The following MCU variants were observed in gnomAD, a reference collection of about 807,000 sequenced individuals.
MCU encodes the protein mitochondrial calcium uniporter.
A neutral mutation model predicts 45.2 loss-of-function variants in MCU; 12 were observed. The observed-to-expected ratio is 0.27, with a 90% CI of 0.17 to 0.43. MCU has a LOEUF of 0.43. MCU is among the 20% of genes least tolerant of loss of function. MCU has a pLI of 1.00. For synonymous variants in MCU, 160 were observed against 165.1 expected (o/e 0.97, Z 0.24); for missense variants, 324 against 436.7 (o/e 0.74, Z 2.30).
At position 72,834,339 on chromosome 10, in the gene MCU, G is replaced by A. The variant is rs1564569927; in HGVS notation, c.151-20G>A. The A allele has an allele frequency of 6.2e-7, 1 of 1,600,106 alleles. No individual in the cohort carries two copies. The highest frequency in any genetic ancestry group is 1.1e-5 in the South Asian group (1 of 90,530). ...TTGTTGTTCCATTCTGACAGTAGAT[G>A]TATCTTTTGTGTTTTCTAGGTACAC... On this transcript the variant is annotated intron_variant, in intron 1 of 7. Coordinates refer to ENST00000373053, the MANE Select transcript of MCU (RefSeq NM_138357.3).
At chr10:72,705,506 A>ACC (rs1321644587) in intron 1 of MCU, among the ~76,000 whole-genome samples, 18 of 149,380 alleles carry the variant, frequency 1.2e-4, no homozygotes, top group Admixed American at 2.7e-4. Context: ...ACATGGTAAA[A>ACC]CCCTGTCTCT....
chr10:72,710,116 C>T (rs1842871234), intron 1 of MCU, among the ~76,000 whole-genome samples: 1 of 152,184 alleles, frequency 6.6e-6, no homozygotes, highest in African/African-American at 2.4e-5. Flanking sequence ...GCTGGGACTA[C>T]AGGCACATGC....
At chr10:72,735,856 G>A (rs1234310065) in intron 1 of MCU, among the ~76,000 whole-genome samples, 3 of 152,144 alleles carry the variant, frequency 2.0e-5, no homozygotes, top group Non-Finnish European at 2.9e-5. Context: ...TTAATATTTG[G>A]TAATCATAGA....
At chr10:72,882,334 A>G (rs1256252328) in intron 6 of MCU, among the ~76,000 whole-genome samples, 1 of 152,254 alleles carries the variant, frequency 6.6e-6, no homozygotes, top group African/African-American at 2.4e-5. Flanking sequence ...TCAGGGAATA[A>G]GAGAGATAAC....
chr10:72,864,784 G>A (rs1003823268), intron 4 of MCU, among the ~76,000 whole-genome samples: 1 of 152,184 alleles, frequency 6.6e-6, no homozygotes, highest in African/African-American at 2.4e-5. Flanking sequence ...AATTAAACAT[G>A]TAGATCAGGG....
chr10:72,755,961 C>G, intron 1 of MCU, among the ~76,000 whole-genome samples: 1 of 151,906 alleles, frequency 6.6e-6, no homozygotes, highest in East Asian at 1.9e-4. Context: ...CTCCCACCTC[C>G]GCCTCCTGAG....
intron 1 of MCU, among the ~76,000 whole-genome samples, chr10:72,789,584 C>T (rs1173761374): frequency 6.6e-6 from 1 of 152,146 alleles, no homozygotes; most frequent in Non-Finnish European, 1.5e-5. Context: ...TTTCATACTA[C>T]ATCCAGATAA....
At chr10:72,763,447 G>C (rs1843682968) in intron 1 of MCU, among the ~76,000 whole-genome samples, 1 of 152,114 alleles carries the variant, frequency 6.6e-6, no homozygotes, top group Non-Finnish European at 1.5e-5. Flanking sequence ...AAAGGCATTT[G>C]AGCTAAGGGG....
At chr10:72,694,139 G>T (rs1842658265) in intron 1 of MCU, among the ~76,000 whole-genome samples, 1 of 152,144 alleles carries the variant, frequency 6.6e-6, no homozygotes, top group East Asian at 1.9e-4. Flanking sequence ...GGAATGTTAT[G>T]GGAATGGTGA....
rs72292523 is a variant in MCU, at chr10:72,713,947, T to TTGTGTGTGTGTG, written c.150+21676_150+21687dup. Among the ~76,000 whole-genome samples the TTGTGTGTGTGTG allele has an allele frequency of 1.0e-3, 143 of 139,104 alleles. 1 individual carries two copies. Among genetic ancestry groups the TTGTGTGTGTGTG allele is most frequent in the African/African-American group, 3.6e-3 (132 of 36,578 alleles). 91.3% of individuals were successfully genotyped at this position (139,104 alleles called of 152,430 possible). The stretch of plus-strand genomic sequence containing the variant: ...TGAATTTGTTTTCCTCTTTCATCAT[T>TTGTGTGTGTGTG]TGTGTGTGTGTGTGTGTGTGTGTGT... On this transcript the variant is annotated intron_variant, in intron 1 of 7. Coordinates refer to ENST00000373053, the MANE Select transcript of MCU (RefSeq NM_138357.3).
chr10:72,752,143 A>G (rs1362377636), intron 1 of MCU, among the ~76,000 whole-genome samples: 1 of 152,070 alleles, frequency 6.6e-6, no homozygotes, highest in Non-Finnish European at 1.5e-5. Context: ...CCGGCCGCAC[A>G]TTTATATCTT....
intron 1 of MCU, among the ~76,000 whole-genome samples, chr10:72,744,201 T>C (rs929524879): frequency 6.7e-4 from 102 of 152,042 alleles, no homozygotes; most frequent in African/African-American, 2.4e-3. Flanking sequence ...AGTTGATCTT[T>C]TGGCTTCATT....
In MCU at chr10:72,700,622, T is replaced by A. The variant is rs1842747657; in HGVS notation, c.150+8321T>A. On this transcript the variant is annotated intron_variant, in intron 1 of 7. Coordinates refer to ENST00000373053, the MANE Select transcript of MCU (RefSeq NM_138357.3). ...GTGTACACACTTGAATCTTTTATAT[T>A]GATAAAAATATAACTTCATAAATTT... Among the ~76,000 whole-genome samples, 5 of 152,350 alleles carry A rather than the reference T, an allele frequency of 3.3e-5. No individual in the cohort carries two copies. The South Asian group carries it at 1.0e-3, about 32-fold the overall frequency.
intron 1 of MCU, among the ~76,000 whole-genome samples, chr10:72,819,405 C>T (rs117181489): frequency 0.013 from 2,038 of 152,242 alleles, 21 homozygotes; most frequent in Middle Eastern, 0.024. Flanking sequence ...TTCCCTCTAC[C>T]CCAACATGCT....
chr10:72,725,450 T>G (rs1391652866), intron 1 of MCU, among the ~76,000 whole-genome samples: 1 of 151,718 alleles, frequency 6.6e-6, no homozygotes, highest in Admixed American at 6.6e-5. Context: ...TTAAAAATGT[T>G]TTTTATGGAG....
chr10:72,750,624 A>G (rs1401318745), intron 1 of MCU, among the ~76,000 whole-genome samples: 1 of 152,118 alleles, frequency 6.6e-6, no homozygotes, highest in Non-Finnish European at 1.5e-5. Flanking sequence ...GGAGATACTG[A>G]TTTTTTTCAG....
In MCU at chr10:72,884,361, A is replaced by C; in HGVS notation, c.957A>C (p.Gln319His). ...GTTTTGACCTAGAGAAATACAATCAACTCAAGGATGCAATTGCTCAGGTAA... is the reference window on the plus strand; with the variant it reads ...GTTTTGACCTAGAGAAATACAATCACCTCAAGGATGCAATTGCTCAGGTAA... The part of the protein sequence containing the change: ...KSRFDLEKYN[Q>H]LKDAIAQAEM... Residue 319 changes from glutamine to histidine, a missense_variant, in exon 7 of 8, where the codon CAA (glutamine) becomes CAC (histidine). By Grantham distance (24) the Gln-to-His change is conservative. Coordinates refer to ENST00000373053, the MANE Select transcript of MCU (RefSeq NM_138357.3). The C allele has an allele frequency of 6.2e-7, 1 of 1,605,066 alleles. No individual in the cohort carries two copies.
At chr10:72,873,391 TTGTATGTCTTCTTTTGAGAAATGTC>T (rs1260694858) in intron 6 of MCU, among the ~76,000 whole-genome samples, 1 of 152,184 alleles carries the variant, frequency 6.6e-6, no homozygotes, top group East Asian at 1.9e-4. Flanking sequence ...TATTAGTCAT[TTGTATGTCTTCTTTTGAGAAATGTC>T]TATTCAGATC....
intron 1 of MCU, among the ~76,000 whole-genome samples, chr10:72,762,309 A>G (rs1268167220): frequency 2.0e-5 from 3 of 152,176 alleles, no homozygotes; most frequent in Non-Finnish European, 2.9e-5. Context: ...GTACCAATCA[A>G]TCCTAGTGAA....
Sources: allele counts gnomAD v4.1 joint callset (sites outside exome capture counted in the v4.1 genomes callset), GRCh38; gene constraint gnomAD v4.1.1; transcripts MANE v1.5; gene names NCBI Gene and HGNC (gene_info 2026-07-23, HGNC 2026-07-21).